The following NUP214 variants were observed in gnomAD, a reference collection of about 807,000 sequenced individuals.
The protein encoded by NUP214 is nucleoporin 214.
Under a neutral mutation model 196.2 loss-of-function variants are expected in NUP214, and 79 were observed. That is an observed-to-expected ratio of 0.40 (90% CI 0.34 to 0.49). The LOEUF is 0.49. NUP214 is among the 20% of genes least tolerant of loss of function. The pLI, the probability that NUP214 is intolerant of heterozygous loss-of-function variation, is 0.58. For missense variants in NUP214, 2,468 were observed against 2,539.0 expected (o/e 0.97, Z 0.60); for synonymous variants, 1,020 against 990.5 (o/e 1.03, Z -0.56).
At chr9:131,208,472 C>T (rs570642804) in intron 30 of NUP214, among the ~76,000 whole-genome samples, 77 of 152,014 alleles carry the variant, frequency 5.1e-4, no homozygotes, top group African/African-American at 1.8e-3. Context: ...CTGAGGCGGG[C>T]GGATCACGAG....
At position 131,198,321 on chromosome 9, in the gene NUP214, C is replaced by T. The variant is rs771442442; in HGVS notation, c.4827C>T (p.Val1609=). ...AAISSAGPVA[V]ETSSTPIASS... ...TCTCAAGTGCAGGCCCTGTGGCCGTCGAAACATCAAGTACCCCCATAGCCT... is the reference window on the plus strand; with the variant it reads ...TCTCAAGTGCAGGCCCTGTGGCCGTTGAAACATCAAGTACCCCCATAGCCT... The change falls in exon 29 of 36, where the codon GTC becomes GTT. Residue 1609 remains valine (V), a synonymous_variant. Coordinates refer to ENST00000359428, the MANE Select transcript of NUP214 (RefSeq NM_005085.4). 15 of 1,614,204 alleles carry T rather than the reference C, an allele frequency of 9.3e-6. No individual in the cohort carries two copies. The highest frequency in any genetic ancestry group is 5.5e-5 in the South Asian group (5 of 91,078).
At chr9:131,206,306 G>A (rs1588167076) in intron 30 of NUP214, among the ~76,000 whole-genome samples, 1 of 151,184 alleles carries the variant, frequency 6.6e-6, no homozygotes, top group Non-Finnish European at 1.5e-5. Flanking sequence ...CACTGTGCCT[G>A]GCTAATTTTT....
chr9:131,147,555 C>G lies in NUP214; in HGVS notation c.2011C>G (p.Pro671Ala), dbSNP rs1379062434. The G allele has an allele frequency of 2.5e-6, 4 of 1,613,900 alleles. No individual in the cohort carries two copies. Among genetic ancestry groups the G allele is most frequent in the Non-Finnish European group, 3.4e-6 (4 of 1,179,918 alleles). Residue 671 changes from proline to alanine, a missense_variant, in exon 14 of 36, where the codon CCT becomes GCT. Pro to Ala is a conservative substitution (Grantham distance 27, BLOSUM62 -1). Coordinates refer to ENST00000359428, the MANE Select transcript of NUP214 (RefSeq NM_005085.4). ...SMVQKSPRIT[P>A]PAAKPGSPQA... ...GGTACAGAAATCACCCAGGATAACC[C>G]CTCCAGCGGCAAAGCCAGGCTCTCC... is the stretch of plus-strand genomic sequence containing the variant.
chr9:131,150,204 T>TA, intron 14 of NUP214, 120 bp from the exon 15 acceptor site: 1 of 797,254 alleles, frequency 1.3e-6, no homozygotes, highest in Middle Eastern at 2.4e-4. Context: ...AAGGATTCGT[T>TA]ACAATGAGTG....
At chr9:131,162,707 C>G (rs1254162375) in intron 18 of NUP214, 1 of 379,664 alleles carries the variant, frequency 2.6e-6, no homozygotes, top group Non-Finnish European at 4.7e-6. Flanking sequence ...TCACTCCTGC[C>G]CTTTTCTTCC....
intron 31 of NUP214, among the ~76,000 whole-genome samples, chr9:131,218,567 C>T (rs1834468400): frequency 6.6e-6 from 1 of 152,124 alleles, no homozygotes; most frequent in Non-Finnish European, 1.5e-5. Flanking sequence ...TCTCCCTCCC[C>T]TCACCAACCC....
At position 131,125,603 on chromosome 9, in the gene NUP214, G is replaced by C; in HGVS notation, c.-102G>C. The C allele has an allele frequency of 6.5e-7, 1 of 1,548,082 alleles. No individual in the cohort carries two copies. Among genetic ancestry groups the C allele is most frequent in the Non-Finnish European group, 8.7e-7 (1 of 1,144,974 alleles). ...GGAAATGCGAGGTCAACTGCGCGCC[G>C]CTGGCGCTGAGGGGAGGAAGTTTGC... On this transcript the variant is annotated 5_prime_UTR_variant, in exon 1 of 36. Coordinates refer to ENST00000359428, the MANE Select transcript of NUP214 (RefSeq NM_005085.4). This position sits in a 1 kb window ranked among gnomAD's most constrained non-coding sequence, Gnocchi z 4.1.
chr9:131,198,184 T>C lies in NUP214; in HGVS notation c.4690T>C (p.Ser1564Pro), dbSNP rs1471311645. ...AASSTSLVAL[S>P]AEATPATTGV... ...ATCTAGTACTAGTCTTGTAGCACTT[T>C]CTGCAGAGGCTACCCCAGCCACCAC... Residue 1564 changes from serine to proline, a missense_variant, in exon 29 of 36, where the codon TCT becomes CCT. Physicochemically the swap from Ser to Pro is moderately conservative, Grantham distance 74. Transcript: ENST00000359428. 6.2e-7 allele frequency: 1 copy of C among 1,614,230 alleles called. No individual in the cohort carries two copies. Among genetic ancestry groups the C allele is most frequent in the Admixed American group, 1.7e-5 (1 of 60,024 alleles).
At chr9:131,149,754 C>T (rs780685203) in intron 14 of NUP214, among the ~76,000 whole-genome samples, 1 of 152,118 alleles carries the variant, frequency 6.6e-6, no homozygotes, top group East Asian at 1.9e-4. Flanking sequence ...TTGGTGTGAC[C>T]TTATATGACC....
chr9:131,125,838 C>G lies in NUP214; in HGVS notation c.45+89C>G. 6.9e-7 allele frequency: 1 copy of G among 1,440,110 alleles called. No homozygotes were observed. The highest frequency in any genetic ancestry group is 9.5e-7 in the Non-Finnish European group (1 of 1,051,248). 89.2% of individuals were successfully genotyped at this position (1,440,110 alleles called of 1,614,324 possible). A position where few individuals can be genotyped will look rare whatever the true frequency, so the allele number is the denominator to read the frequency against. The stretch of plus-strand genomic sequence containing the variant: ...AAAGGCGAAGCGCGGTGCTGGCTGT[C>G]CCGCCTCCTGCTTGAACAGTTTACC... On this transcript the variant is annotated intron_variant, in intron 1 of 35. Coordinates refer to ENST00000359428, the MANE Select transcript of NUP214 (RefSeq NM_005085.4). The surrounding 1 kb of genome is among the most constrained non-coding windows in gnomAD (Gnocchi z 4.1).
At position 131,150,606 on chromosome 9, in the gene NUP214, G is replaced by T; in HGVS notation, c.2128-10G>T. On this transcript the variant is annotated splice_polypyrimidine_tract_variant and intron_variant, in intron 15 of 35. Transcript: ENST00000359428. ...CAGACTGAGTAGTTCCTCACTTGTG[G>T]CTTCTACAGATTGCACACTTTCAGA... The T allele has an allele frequency of 6.2e-7, 1 of 1,610,028 alleles. No homozygotes were observed.
chr9:131,130,941 C>A, intron 5 of NUP214, 105 bp downstream of exon 5: 2 of 794,124 alleles, frequency 2.5e-6, no homozygotes, highest in Admixed American at 4.7e-5. Context: ...GTAATTTATA[C>A]TCATTGTAAC....
chr9:131,130,137 G>GTTTTGTTTTTTTTTT lies in NUP214; in HGVS notation c.593-625_593-624insGTTTTTTTTTTTTTT, dbSNP rs1564176236. Among the ~76,000 whole-genome samples, 29 of 76,928 alleles carry GTTTTGTTTTTTTTTT rather than the reference G, an allele frequency of 3.8e-4. 2 individuals are homozygous for GTTTTGTTTTTTTTTT. The highest frequency in any genetic ancestry group is 1.7e-3 in the South Asian group (3 of 1,782). 50.5% of individuals were successfully genotyped at this position (76,928 alleles called of 152,430 possible). On this transcript the variant is annotated intron_variant, in intron 4 of 35. Transcript: ENST00000359428. ...GAGCAGGAGAATGATTTCTGGTTTT[G>GTTTTGTTTTTTTTTT]TTTTTTTTTTTTTGTTTTTTTTTTG...
chr9:131,233,837 G>T lies in NUP214; in HGVS notation c.*350G>T. 1 of 410,324 alleles carries T rather than the reference G, an allele frequency of 2.4e-6. No individual in the cohort carries two copies. The highest frequency in any genetic ancestry group is 2.4e-5 in the South Asian group (1 of 41,526). 25.4% of individuals were successfully genotyped at this position (410,324 alleles called of 1,614,324 possible). A position where few individuals can be genotyped will look rare whatever the true frequency, so the allele number is the denominator to read the frequency against. ...TGGCATCAGAAGTCACCAGCGTCGG[G>T]TGTTGATAAACAGCATCGAATGTGC... On this transcript the variant is annotated 3_prime_UTR_variant, in exon 36 of 36. Transcript: ENST00000359428.
In NUP214 at chr9:131,192,941, C is replaced by CAAA. The variant is rs34653431; in HGVS notation, c.3659+674_3659+676dup. Among the ~76,000 whole-genome samples, 291 of 31,042 alleles carry CAAA rather than the reference C, an allele frequency of 9.4e-3. 30 individuals carry two copies. The highest frequency in any genetic ancestry group is 0.019 in the African/African-American group (156 of 8,250). The allele number at this position is 31,042 out of a possible 152,430, so 20.4% of individuals were successfully genotyped here. A position where few individuals can be genotyped will look rare whatever the true frequency, so the allele number is the denominator to read the frequency against. ...GGGCAACAGAGTGAAACCCCGTCTC[C>CAAA]AAAAAAAAAAAAAAAAAAAAAAAAA... On this transcript the variant is annotated intron_variant, in intron 27 of 35. Coordinates refer to ENST00000359428, the MANE Select transcript of NUP214 (RefSeq NM_005085.4).
intron 32 of NUP214, among the ~76,000 whole-genome samples, chr9:131,223,954 T>A (rs1251356601): frequency 6.6e-6 from 1 of 150,794 alleles, no homozygotes; most frequent in Non-Finnish European, 1.5e-5. Flanking sequence ...CAGGATGGTC[T>A]CAATCTCCTG....
At position 131,187,500 on chromosome 9, in the gene NUP214, G is replaced by A. The variant is rs1479895674; in HGVS notation, c.3495+136G>A. 9 of 636,048 alleles carry A rather than the reference G, an allele frequency of 1.4e-5. No homozygotes were observed. In the Admixed American group the frequency reaches 1.9e-4, roughly 13 times the overall value. The allele number at this position is 636,048 out of a possible 1,614,324, so 39.4% of individuals were successfully genotyped here. On this transcript the variant is annotated intron_variant, in intron 25 of 35. Coordinates refer to ENST00000359428, the MANE Select transcript of NUP214 (RefSeq NM_005085.4). ...CTCCTGGGTTCAAGTGATTCTCGTG[G>A]CTCAGCCTCCTGAGTAGTTGGGATT...
chr9:131,220,921 T>A (rs550292501), intron 31 of NUP214, among the ~76,000 whole-genome samples: 2 of 152,360 alleles, frequency 1.3e-5, no homozygotes, highest in African/African-American at 4.8e-5. Flanking sequence ...ATAACATCAT[T>A]TCACCTCACA....
intron 10 of NUP214, 74 bp downstream of exon 10, chr9:131,139,481 A>T: frequency 6.4e-7 from 1 of 1,569,918 alleles, no homozygotes; most frequent in South Asian, 1.2e-5. Context: ...CACCAGTTAC[A>T]TGTTACTGAC....
Sources: allele counts gnomAD v4.1 joint callset (sites outside exome capture counted in the v4.1 genomes callset), GRCh38; gene constraint gnomAD v4.1.1; non-coding constraint Gnocchi (gnomAD v3.1); transcripts MANE v1.5; gene names NCBI Gene and HGNC (gene_info 2026-07-23, HGNC 2026-07-21).